The following TRHDE variants were observed in gnomAD, a reference collection of about 807,000 sequenced individuals.
The protein encoded by TRHDE is thyrotropin releasing hormone degrading enzyme.
In TRHDE, 72 loss-of-function variants were observed where a neutral mutation model predicts 125.7. The ratio of observed to expected loss-of-function variants is 0.57; its 90% CI spans 0.47 to 0.70. The LOEUF is 0.70. TRHDE is among the 30% of genes least tolerant of loss of function. The pLI is 0.00. For missense variants in TRHDE, 1,110 were observed against 1,327.1 expected, an observed-to-expected ratio of 0.84 and a Z score of 2.54; for synonymous variants, 509 against 509.1, an observed-to-expected ratio of 1.00 and a Z score of 0.00.
chr12:72,313,045 G>A lies in TRHDE; in HGVS notation c.1188+26091G>A, dbSNP rs1413195521. 4.6e-5 allele frequency among the ~76,000 whole-genome samples: 7 copies of A among 151,936 alleles called. No individual in the cohort carries two copies. The East Asian group carries it at 1.3e-3, about 29-fold the overall frequency. Reference sequence around the variant, plus strand: ...AAATATTTTTACTCATGTGATATAAGCCTTTATTTGGTTAGAATATAAACA... The same window carrying A: ...AAATATTTTTACTCATGTGATATAAACCTTTATTTGGTTAGAATATAAACA... On this transcript the variant is annotated intron_variant, in intron 2 of 18. Coordinates refer to ENST00000261180, the MANE Select transcript of TRHDE (RefSeq NM_013381.3).
chr12:72,435,640 AT>A lies in TRHDE; in HGVS notation c.1316-34102del, dbSNP rs1246330658. ...GAATGAAAATAGATCCCAGGCTGGGATTTTTTTTTTTTTTTTGTCAGAGTTT... is the reference window on the plus strand; with the variant it reads ...GAATGAAAATAGATCCCAGGCTGGGATTTTTTTTTTTTTTTGTCAGAGTTT... On this transcript the variant is annotated intron_variant, in intron 3 of 18. Coordinates refer to ENST00000261180, the MANE Select transcript of TRHDE (RefSeq NM_013381.3). Among the ~76,000 whole-genome samples, 572 of 138,996 alleles carry A rather than the reference AT, an allele frequency of 4.1e-3. 1 individual carries two copies. The highest frequency in any genetic ancestry group is 7.6e-3 in the Middle Eastern group (2 of 264). 91.2% of individuals were successfully genotyped at this position (138,996 alleles called of 152,430 possible).
chr12:72,294,856 G>A (rs11829738), intron 2 of TRHDE, among the ~76,000 whole-genome samples: 14,763 of 151,904 alleles, frequency 0.097, 2,231 homozygotes, highest in African/African-American at 0.32. Flanking sequence ...ATTTGTGGGG[G>A]GTGAGGTGGC....
intron 17 of TRHDE, 27 bp from the exon 18 acceptor site, chr12:72,656,894 GCATTGA>G: frequency 7.3e-7 from 1 of 1,378,270 alleles, no homozygotes; most frequent in Non-Finnish European, 1.0e-6. Flanking sequence ...ATTATGACCT[GCATTGA>G]CATTAAGACT....
intron 7 of TRHDE, among the ~76,000 whole-genome samples, chr12:72,551,768 TA>T (rs1869685355): frequency 6.6e-6 from 1 of 152,028 alleles, no homozygotes; most frequent in Non-Finnish European, 1.5e-5. Context: ...CAAATAAATA[TA>T]TTTTTTTGCT....
chr12:72,110,136 G>C (rs2139294599), intron 2 of TRHDE, among the ~76,000 whole-genome samples: 1 of 152,138 alleles, frequency 6.6e-6, no homozygotes. Context: ...TTTAAGATGA[G>C]GTTAACAAAA....
chr12:72,257,982 T>C (rs1831012566), intron 2 of TRHDE: 1 of 152,202 alleles, frequency 6.6e-6, no homozygotes, highest in Middle Eastern at 3.4e-3. Context: ...GGGGAAAATA[T>C]TGATAAAGAG....
intron 1 of TRHDE, among the ~76,000 whole-genome samples, chr12:72,285,573 T>C (rs557153636): frequency 6.9e-6 from 1 of 144,714 alleles, no homozygotes; most frequent in African/African-American, 2.5e-5. Context: ...CAGGCTGGAG[T>C]GCAGTGGCGC....
chr12:72,396,310 C>T lies in TRHDE; in HGVS notation c.1315+18189C>T, dbSNP rs143863005. The stretch of plus-strand genomic sequence containing the variant: ...TTTCTCTACAGTGTCCATTCTTTAC[C>T]TCCCATTATCCTTTGAGCTCTCTTT... On this transcript the variant is annotated intron_variant, in intron 3 of 18. Coordinates refer to ENST00000261180, the MANE Select transcript of TRHDE (RefSeq NM_013381.3). Among the ~76,000 whole-genome samples, 902 of 152,140 alleles carry T rather than the reference C, an allele frequency of 5.9e-3. 4 individuals are homozygous for T. The highest frequency in any genetic ancestry group is 0.027 in the Middle Eastern group (8 of 294).
At chr12:72,453,519 G>T (rs1875684680) in intron 3 of TRHDE, among the ~76,000 whole-genome samples, 2 of 152,176 alleles carry the variant, frequency 1.3e-5, no homozygotes, top group Non-Finnish European at 2.9e-5. Context: ...TGGAAGAAAA[G>T]AAAAGCCCAT....
chr12:72,604,641 T>C (rs1002801575), intron 12 of TRHDE, among the ~76,000 whole-genome samples: 5 of 152,078 alleles, frequency 3.3e-5, no homozygotes, highest in Non-Finnish European at 4.4e-5. Flanking sequence ...ACTAATATAA[T>C]TCTTATTTTG....
intron 6 of TRHDE, among the ~76,000 whole-genome samples, chr12:72,538,526 C>A (rs1286238710): frequency 2.6e-5 from 4 of 151,898 alleles, no homozygotes; most frequent in Admixed American, 2.0e-4. Context: ...CTTACTAAAG[C>A]CTTAGAACTT....
At chr12:72,252,642 A>C (rs539482873) in intron 2 of TRHDE, among the ~76,000 whole-genome samples, 1 of 152,176 alleles carries the variant, frequency 6.6e-6, no homozygotes, top group East Asian at 1.9e-4. Context: ...TTTTCATATA[A>C]ATTTTAGAAT....
At chr12:72,447,646 CG>C (rs1459588859) in intron 3 of TRHDE, among the ~76,000 whole-genome samples, 2 of 151,978 alleles carry the variant, frequency 1.3e-5, no homozygotes, top group Non-Finnish European at 2.9e-5. Flanking sequence ...TAGTCTATCT[CG>C]GGTATGAATA....
intron 1 of TRHDE, among the ~76,000 whole-genome samples, chr12:72,284,628 A>G (rs975265143): frequency 6.6e-6 from 1 of 152,226 alleles, no homozygotes; most frequent in African/African-American, 2.4e-5. Context: ...TAAGACGTTT[A>G]TAAATTATGG....
intron 15 of TRHDE, among the ~76,000 whole-genome samples, chr12:72,646,850 G>T (rs1323965925): frequency 6.6e-6 from 1 of 151,936 alleles, no homozygotes; most frequent in Non-Finnish European, 1.5e-5. Context: ...AATATTGACA[G>T]AACTGAAGGG....
At chr12:72,206,086 ATT>A (rs34424314) in intron 2 of TRHDE, among the ~76,000 whole-genome samples, 21 of 135,490 alleles carry the variant, frequency 1.5e-4, no homozygotes, top group Non-Finnish European at 1.9e-4. Context: ...CAAAGGACAG[ATT>A]TTTTTTTTTT....
At chr12:72,564,519 A>G (rs1189770419) in intron 9 of TRHDE, among the ~76,000 whole-genome samples, 1 of 152,176 alleles carries the variant, frequency 6.6e-6, no homozygotes, top group Non-Finnish European at 1.5e-5. Flanking sequence ...CTGTCAACCT[A>G]TAACATACAT....
intron 7 of TRHDE, among the ~76,000 whole-genome samples, chr12:72,546,455 C>T (rs968697620): frequency 2.5e-4 from 38 of 151,476 alleles, no homozygotes; most frequent in African/African-American, 9.2e-4. Flanking sequence ...TTTCCCAGTG[C>T]TTATTCTTCA....
intron 10 of TRHDE, among the ~76,000 whole-genome samples, chr12:72,570,283 C>G (rs1468579693): frequency 1.3e-5 from 2 of 151,988 alleles, no homozygotes; most frequent in Admixed American, 1.3e-4. Context: ...CACAGAATAT[C>G]AAGAATAGTA....
Sources: allele counts gnomAD v4.1 joint callset (sites outside exome capture counted in the v4.1 genomes callset), GRCh38; gene constraint gnomAD v4.1.1; transcripts MANE v1.5; gene names NCBI Gene and HGNC (gene_info 2026-07-23, HGNC 2026-07-21).